GSK3B: variants seen among roughly 807,000 people sequenced by gnomAD.
GSK3B encodes the protein glycogen synthase kinase 3 beta.
A neutral mutation model predicts 56.4 loss-of-function variants in GSK3B; 15 were observed. The observed-to-expected ratio is 0.27, with a 90% CI of 0.18 to 0.41. The LOEUF is 0.41. GSK3B is among the 10% of genes least tolerant of loss of function. The pLI, the probability that GSK3B is intolerant of heterozygous loss-of-function variation, is 1.00. For missense variants in GSK3B, 300 were observed against 513.4 expected (o/e 0.58, Z 4.02); for synonymous variants, 181 against 188.9 (o/e 0.96, Z 0.34).
chr3:119,821,787 T>C lies in GSK3B; in HGVS notation c.*5001A>G, dbSNP rs536282396. On this transcript the variant is annotated 3_prime_UTR_variant, in exon 11 of 11. Transcript: ENST00000264235. Reference sequence around the variant, plus strand: ...GGGGCTACACAATGGAATAAAATCATTGGAAAGAACAAGAAGTGGTATTGA... The same window carrying C: ...GGGGCTACACAATGGAATAAAATCACTGGAAAGAACAAGAAGTGGTATTGA... 6.2e-5 allele frequency: 10 copies of C among 161,226 alleles called. No individual in the cohort carries two copies. In the South Asian group the frequency reaches 1.0e-3, roughly 17 times the overall value. 10.0% of individuals were successfully genotyped at this position (161,226 alleles called of 1,614,324 possible).
At chr3:119,966,402 A>T (rs2057318524) in intron 2 of GSK3B, among the ~76,000 whole-genome samples, 1 of 152,122 alleles carries the variant, frequency 6.6e-6, no homozygotes, top group Non-Finnish European at 1.5e-5. Context: ...ACTTAAAATG[A>T]TTATTAAATA....
chr3:119,950,597 G>A (rs1158062962), intron 2 of GSK3B, among the ~76,000 whole-genome samples: 1 of 152,112 alleles, frequency 6.6e-6, no homozygotes, highest in African/African-American at 2.4e-5. Context: ...TGGGTGTAGG[G>A]GACACAGGGT....
At chr3:119,965,256 G>A (rs1433329053) in intron 2 of GSK3B, among the ~76,000 whole-genome samples, 3 of 149,782 alleles carry the variant, frequency 2.0e-5, no homozygotes, top group South Asian at 2.1e-4. Context: ...TAGAGACGGG[G>A]TTTCACCATG....
At chr3:119,904,982 G>C (rs2056668130) in intron 7 of GSK3B, among the ~76,000 whole-genome samples, 1 of 148,874 alleles carries the variant, frequency 6.7e-6, no homozygotes, top group South Asian at 2.1e-4. Flanking sequence ...TTTAAGTAAA[G>C]GGACTTCCTT....
At chr3:119,943,462 C>A (rs2057069825) in intron 3 of GSK3B, among the ~76,000 whole-genome samples, 1 of 152,022 alleles carries the variant, frequency 6.6e-6, no homozygotes, top group Admixed American at 6.5e-5. Context: ...TATGCATATA[C>A]CTATATAAAC....
At chr3:120,040,340 C>T (rs972827246) in intron 1 of GSK3B, among the ~76,000 whole-genome samples, 8 of 152,008 alleles carry the variant, frequency 5.3e-5, no homozygotes, top group Non-Finnish European at 7.3e-5. Flanking sequence ...TATACTGACC[C>T]GCCATCAATG....
Position 119,826,556 on chromosome 3 carries a change from A to AC in GSK3B, c.*231dup. The AC allele has an allele frequency of 8.6e-6, 5 of 580,972 alleles. No homozygotes were observed. Among genetic ancestry groups the AC allele is most frequent in the South Asian group, 5.3e-5 (3 of 56,964 alleles). The allele number at this position is 580,972 out of a possible 1,614,324, so 36.0% of individuals were successfully genotyped here. On this transcript the variant is annotated 3_prime_UTR_variant, in exon 11 of 11. Coordinates refer to ENST00000264235, the MANE Select transcript of GSK3B (RefSeq NM_001146156.2). The stretch of plus-strand genomic sequence containing the variant: ...GTGCTCCGCTTTCCCCCTCCCCACA[A>AC]CCCCTCCCACCCCCTGGATCTCCCT...
intron 2 of GSK3B, among the ~76,000 whole-genome samples, chr3:119,949,758 G>A (rs973579223): frequency 7.9e-6 from 1 of 126,666 alleles, no homozygotes; most frequent in African/African-American, 3.2e-5. Context: ...CTGTGATCAC[G>A]CCACAGCACT....
Position 119,909,147 on chromosome 3 carries a change from T to G in GSK3B, c.716-3295A>C, listed in dbSNP as rs572423941. On this transcript the variant is annotated intron_variant, in intron 6 of 10. Transcript: ENST00000264235. ...CATCCTCCCACCTCATCCTCCCAAG[T>G]AGCGGGGACTACAGGGGCATGTCAC... is the stretch of plus-strand genomic sequence containing the variant. Among the ~76,000 whole-genome samples, 192 of 152,212 alleles carry G rather than the reference T, an allele frequency of 1.3e-3. 1 individual carries two copies. Among genetic ancestry groups the G allele is most frequent in the Middle Eastern group, 0.01 (3 of 294 alleles).
chr3:119,850,243 G>A (rs2055910879), intron 9 of GSK3B, among the ~76,000 whole-genome samples: 1 of 152,148 alleles, frequency 6.6e-6, no homozygotes, highest in Non-Finnish European at 1.5e-5. Flanking sequence ...GGTCCAAGAT[G>A]TGAAGGGGGG....
intron 1 of GSK3B, among the ~76,000 whole-genome samples, chr3:120,013,990 C>T (rs554895042): frequency 2.6e-5 from 4 of 151,460 alleles, no homozygotes; most frequent in South Asian, 2.1e-4. Context: ...GCCAACATGG[C>T]GAAACCCCGT....
chr3:120,075,317 T>A (rs1035757961), intron 1 of GSK3B, among the ~76,000 whole-genome samples: 5 of 152,028 alleles, frequency 3.3e-5, no homozygotes, highest in African/African-American at 1.2e-4. Flanking sequence ...TAAGACCTGA[T>A]ACAAGGCAAA....
intron 4 of GSK3B, among the ~76,000 whole-genome samples, chr3:119,922,235 A>C (rs1219240791): frequency 3.4e-5 from 4 of 116,448 alleles, no homozygotes; most frequent in Non-Finnish European, 7.3e-5. Flanking sequence ...GGAGGGAAGG[A>C]AGGAAGGAAG....
intron 2 of GSK3B, among the ~76,000 whole-genome samples, chr3:119,988,368 TCTAC>T (rs1417884866): frequency 2.6e-5 from 4 of 152,258 alleles, no homozygotes; most frequent in Non-Finnish European, 5.9e-5. Flanking sequence ...CTTGTTTCTC[TCTAC>T]CTGATTTTCT....
At chr3:120,052,718 G>A (rs2058160498) in intron 1 of GSK3B, among the ~76,000 whole-genome samples, 1 of 152,092 alleles carries the variant, frequency 6.6e-6, no homozygotes, top group African/African-American at 2.4e-5. Context: ...TTCAAATATA[G>A]TAACATCTTT....
At chr3:120,079,341 C>T (rs2058395705) in intron 1 of GSK3B, among the ~76,000 whole-genome samples, 1 of 134,696 alleles carries the variant, frequency 7.4e-6, no homozygotes, top group African/African-American at 3.0e-5. Context: ...CACACACACA[C>T]ACACACACAT....
At chr3:120,072,302 A>G (rs924937756) in intron 1 of GSK3B, among the ~76,000 whole-genome samples, 4 of 152,202 alleles carry the variant, frequency 2.6e-5, no homozygotes, top group African/African-American at 9.7e-5. Flanking sequence ...TTACGCCTGT[A>G]ATCCCAGCAC....
chr3:120,003,025 C>T (rs1004011665), intron 1 of GSK3B, among the ~76,000 whole-genome samples: 2 of 152,048 alleles, frequency 1.3e-5, no homozygotes, highest in Non-Finnish European at 2.9e-5. Context: ...TGAGTGTTTG[C>T]TTCCCTGAAT....
At chr3:119,989,518 G>A (rs575269270) in intron 2 of GSK3B, among the ~76,000 whole-genome samples, 10 of 151,664 alleles carry the variant, frequency 6.6e-5, no homozygotes, top group African/African-American at 1.7e-4. Context: ...ACAGGCAGGC[G>A]CCTGTAGTCC....
Sources: gnomAD v4.1 joint callset for allele counts (sites outside exome capture counted in the v4.1 genomes callset) on GRCh38, gnomAD v4.1.1 for gene constraint, MANE v1.5 for transcripts, NCBI Gene and HGNC (gene_info 2026-07-23, HGNC 2026-07-21) for gene names.